The following TTC6 variants were observed in gnomAD, a reference collection of about 807,000 sequenced individuals.
TTC6 encodes the protein tetratricopeptide repeat domain 6, also known as tetratricopeptide repeat protein 6.
TTC6 carries 172 observed loss-of-function variants against 210.4 expected under a neutral mutation model. That is an observed-to-expected ratio of 0.82 (90% CI 0.72 to 0.93). TTC6 has a LOEUF of 0.93. Among genes scored for constraint, TTC6 ranks in the 40% least tolerant of loss-of-function variants. The pLI, the probability that TTC6 is intolerant of heterozygous loss-of-function variation, is 0.00. For synonymous variants in TTC6, 804 were observed against 819.6 expected, an observed-to-expected ratio of 0.98 and a Z score of 0.32; for missense variants, 2,414 against 2,318.1, an observed-to-expected ratio of 1.04 and a Z score of -0.85.
intron 29 of TTC6, among the ~76,000 whole-genome samples, chr14:37,834,396 A>G (rs1353490581): frequency 6.6e-6 from 1 of 151,890 alleles, no homozygotes; most frequent in Non-Finnish European, 1.5e-5. Flanking sequence ...TTATTGTCTG[A>G]CTATTTCATT....
At chr14:37,723,066 G>T (rs1016061402) in intron 6 of TTC6, among the ~76,000 whole-genome samples, 9 of 152,038 alleles carry the variant, frequency 5.9e-5, no homozygotes, top group Admixed American at 6.5e-5. Context: ...ATTATTATTA[G>T]TTTTGATAAA....
chr14:37,723,519 C>T (rs1055043051), intron 6 of TTC6, among the ~76,000 whole-genome samples: 2 of 152,110 alleles, frequency 1.3e-5, no homozygotes, highest in Non-Finnish European at 2.9e-5. Context: ...AGTTTCCTTC[C>T]TTTTTTTCTA....
intron 13 of TTC6, among the ~76,000 whole-genome samples, chr14:37,752,689 T>C (rs2095955872): frequency 6.6e-6 from 1 of 152,148 alleles, no homozygotes; most frequent in African/African-American, 2.4e-5. Flanking sequence ...CTCTTCCCCA[T>C]TTTAATGGCT....
At chr14:37,704,771 G>T (rs1264534618) in intron 5 of TTC6, among the ~76,000 whole-genome samples, 1 of 151,868 alleles carries the variant, frequency 6.6e-6, no homozygotes, top group African/African-American at 2.4e-5. Flanking sequence ...CTTAGAAAGG[G>T]TGTTTATACG....
chr14:37,599,184 G>A (rs923667150), intron 1 of TTC6, among the ~76,000 whole-genome samples: 11 of 152,214 alleles, frequency 7.2e-5, no homozygotes, highest in African/African-American at 2.7e-4. Flanking sequence ...GGTCCCCCGC[G>A]AGAGAGAAGT....
rs572485917 is a variant in TTC6, at chr14:37,678,491, C to T, written c.940-1660C>T. Among the ~76,000 whole-genome samples the T allele has an allele frequency of 2.6e-5, 4 of 152,176 alleles. No homozygotes were observed. The South Asian group carries it at 8.3e-4, about 32-fold the overall frequency. ...GGACCCTATGCCGATTTCTGGAGCT[C>T]TTTCTCTATGCAGTGCCCTCATCTC... On this transcript the variant is annotated intron_variant, in intron 1 of 30. Coordinates refer to ENST00000553443, the Ensembl canonical transcript of TTC6.
chr14:37,647,020 G>A (rs2095702808), intron 1 of TTC6, among the ~76,000 whole-genome samples: 1 of 152,116 alleles, frequency 6.6e-6, no homozygotes, highest in African/African-American at 2.4e-5. Flanking sequence ...CTATATCCTT[G>A]GCTCCTTCTT....
intron 1 of TTC6, among the ~76,000 whole-genome samples, chr14:37,650,223 G>A (rs774493646): frequency 6.6e-6 from 1 of 152,146 alleles, no homozygotes; most frequent in Non-Finnish European, 1.5e-5. Context: ...TTTGGATGTC[G>A]ATCCTCTATG....
chr14:37,742,505 G>T (rs2095923468), intron 10 of TTC6, among the ~76,000 whole-genome samples: 1 of 151,898 alleles, frequency 6.6e-6, no homozygotes, highest in East Asian at 1.9e-4. Context: ...TGCCTCCCAG[G>T]CTCAAGGGAT....
At chr14:37,604,007 A>AT (rs1452986775) in intron 1 of TTC6, among the ~76,000 whole-genome samples, 1 of 152,166 alleles carries the variant, frequency 6.6e-6, no homozygotes, top group Non-Finnish European at 1.5e-5. Flanking sequence ...ATCCCCCACA[A>AT]TTCTGGGAGC....
chr14:37,788,951 A>G (rs2096073530), intron 15 of TTC6, among the ~76,000 whole-genome samples: 1 of 151,926 alleles, frequency 6.6e-6, no homozygotes, highest in Non-Finnish European at 1.5e-5. Flanking sequence ...TCCCTCTTAT[A>G]CAAGTTTTGG....
intron 6 of TTC6, among the ~76,000 whole-genome samples, chr14:37,721,700 G>A (rs962494991): frequency 3.3e-5 from 5 of 151,330 alleles, no homozygotes; most frequent in African/African-American, 7.3e-5. Context: ...CCATGGCCAC[G>A]GATATATTTT....
chr14:37,726,934 G>T (rs2095874156), intron 7 of TTC6, among the ~76,000 whole-genome samples: 2 of 151,660 alleles, frequency 1.3e-5, no homozygotes, highest in African/African-American at 4.8e-5. Context: ...CTTTCTGATG[G>T]TGTTTCTGAT....
intron 21 of TTC6, 111 bp downstream of exon 23, chr14:37,804,925 G>T: frequency 2.6e-6 from 3 of 1,163,454 alleles, no homozygotes; most frequent in Non-Finnish European, 3.7e-6. Flanking sequence ...GTCCAAAGCT[G>T]CTTATGAAGC....
chr14:37,684,984 C>A (rs941985923), intron 3 of TTC6, among the ~76,000 whole-genome samples: 4 of 152,158 alleles, frequency 2.6e-5, no homozygotes, highest in African/African-American at 7.2e-5. Context: ...AGAATTTGAT[C>A]AATCCTTACC....
At chr14:37,775,134 G>C (rs1400713682) in intron 14 of TTC6, among the ~76,000 whole-genome samples, 1 of 152,028 alleles carries the variant, frequency 6.6e-6, no homozygotes, top group Non-Finnish European at 1.5e-5. Context: ...TAATTTATTA[G>C]CCTAGTTAGT....
At chr14:37,638,737 A>G (rs903058296) in intron 1 of TTC6, among the ~76,000 whole-genome samples, 17 of 152,186 alleles carry the variant, frequency 1.1e-4, no homozygotes, top group African/African-American at 3.4e-4. Context: ...GTTTTGCACA[A>G]TGGTACCGTT....
chr14:37,657,271 CTGAG>C lies in TTC6; in HGVS notation c.940-22873_940-22870del, dbSNP rs1353259943. Among the ~76,000 whole-genome samples the C allele has an allele frequency of 1.5e-4, 20 of 129,354 alleles. No individual in the cohort carries two copies. The East Asian group carries it at 3.0e-3, about 19-fold the overall frequency. The allele number at this position is 129,354 out of a possible 152,430, so 84.9% of individuals were successfully genotyped here. A position where few individuals can be genotyped will look rare whatever the true frequency, so the allele number is the denominator to read the frequency against. On this transcript the variant is annotated intron_variant, in intron 1 of 30. Coordinates refer to ENST00000553443, the Ensembl canonical transcript of TTC6. ...TAATGTGTTGTGGGATCAATAAATT[CTGAG>C]TGAGTGTTTAAGGAGTGGCATTTTA...
At chr14:37,721,847 C>CATATATATATAGATAT (rs2095862280) in intron 6 of TTC6, among the ~76,000 whole-genome samples, 1 of 117,266 alleles carries the variant, frequency 8.5e-6, no homozygotes, top group Non-Finnish European at 1.8e-5. Context: ...TGAGTTTCAC[C>CATATATATATAGATAT]ATATATATAT....
Sources: gnomAD v4.1 joint callset for allele counts (sites outside exome capture counted in the v4.1 genomes callset) on GRCh38, gnomAD v4.1.1 for gene constraint, MANE v1.5 for transcripts, NCBI Gene and HGNC (gene_info 2026-07-23, HGNC 2026-07-21) for gene names.